ZNF214: variants seen among roughly 807,000 people sequenced by gnomAD.
ZNF214 encodes BWSCR2-associated zinc finger protein 1.
ZNF214 carries 43 observed loss-of-function variants against 53.9 expected under a neutral mutation model. The observed-to-expected ratio is 0.80, with a 90% CI of 0.63 to 1.03. The LOEUF is 1.03. ZNF214 is among the 50% of genes least tolerant of loss of function. The pLI, the probability that ZNF214 is intolerant of heterozygous loss-of-function variation, is 0.00. For synonymous variants in ZNF214, 217 were observed against 229.5 expected (o/e 0.95, Z 0.49); for missense variants, 724 against 719.1 (o/e 1.01, Z -0.08).
In ZNF214 at chr11:6,999,874, T is replaced by C. The variant is rs1221708271; in HGVS notation, c.1809A>G (p.Arg603=). 4 of 1,603,364 alleles carry C rather than the reference T, an allele frequency of 2.5e-6. No individual in the cohort carries two copies. The highest frequency in any genetic ancestry group is 8.5e-7 in the Non-Finnish European group (1 of 1,174,524). Residue 603 remains arginine, a synonymous_variant, in exon 3 of 3, where the codon AGA becomes AGG. Coordinates refer to ENST00000278314, the MANE Select transcript of ZNF214 (RefSeq NM_013249.4). ...HNSHLHNNHR[R]GNL ...AAATGAACAATATTTATAAGTTTCC[T>C]CTTCTATGATTATTGTGAAGATGTG...
chr11:7,000,923 C>T lies in ZNF214; in HGVS notation c.760G>A (p.Ala254Thr). The change falls in exon 3 of 3, where the codon GCA becomes ACA. Residue 254 changes from alanine (A) to threonine (T), a missense_variant. Coordinates refer to ENST00000278314, the MANE Select transcript of ZNF214 (RefSeq NM_013249.4). Reference protein sequence around the residue: ...ENLCQCSICKACFSQRSDLYR... With the variant: ...ENLCQCSICKTCFSQRSDLYR... ...AAGTCTGATCTCTGAGAGAAGCATG[C>T]TTTACAGATGGAGCATTGACAGAGG... The T allele has an allele frequency of 6.2e-7, 1 of 1,613,220 alleles. No homozygotes were observed. The highest frequency in any genetic ancestry group is 8.5e-7 in the Non-Finnish European group (1 of 1,179,596).
rs775713624 is a variant in ZNF214 at position 7,001,453 on chromosome 11, A to G, written c.230T>C (p.Met77Thr). The change falls in exon 3 of 3, where the codon ATG (methionine) becomes ACG (threonine). Residue 77 changes from methionine (M) to threonine (T), a missense_variant. Coordinates refer to ENST00000278314, the MANE Select transcript of ZNF214 (RefSeq NM_013249.4). ...TTCCCCATAGTTCTGATTCTCATAC[A>G]TCTGGGCGCCAGCATTCCACCAGCC... The part of the protein sequence containing the change: ...WQGWWNAGAQ[M>T]YENQNYGETV... 15 of 1,613,040 alleles carry G rather than the reference A, an allele frequency of 9.3e-6. No individual in the cohort carries two copies. The Admixed American group carries it at 1.2e-4, about 13-fold the overall frequency.
Position 6,998,616 on chromosome 11 carries a change from C to A in ZNF214, c.*1246G>T, listed in dbSNP as rs2073338944. ...TCCCTGAAGTCCTTCTTTGTTGTAT[C>A]TATTTCTCTTTTCACTTTAGATACT... On this transcript the variant is annotated 3_prime_UTR_variant, in exon 3 of 3. Transcript: ENST00000278314. Among the ~76,000 whole-genome samples the A allele has an allele frequency of 6.6e-6, 1 of 151,860 alleles. No homozygotes were observed. The highest frequency in any genetic ancestry group is 1.5e-5 in the Non-Finnish European group (1 of 67,922).
At chr11:7,002,681 T>C in intron 2 of ZNF214, 28 bp downstream of exon 2, 1 of 1,556,682 alleles carries the variant, frequency 6.4e-7, no homozygotes, top group Non-Finnish European at 8.6e-7. Flanking sequence ...GAAGAAACTC[T>C]ATTCCCTATG....
intron 1 of ZNF214, among the ~76,000 whole-genome samples, chr11:7,017,195 G>C (rs1851789490): frequency 6.6e-6 from 1 of 152,098 alleles, no homozygotes; most frequent in Admixed American, 6.6e-5. Flanking sequence ...TGCAAATCAA[G>C]GCAAAATTTA....
intron 1 of ZNF214, among the ~76,000 whole-genome samples, chr11:7,017,995 T>A (rs1278752496): frequency 6.6e-6 from 1 of 152,224 alleles, no homozygotes; most frequent in Non-Finnish European, 1.5e-5. Flanking sequence ...TCAAATTTTT[T>A]AATTTAATGT....
chr11:7,000,279 T>G lies in ZNF214; in HGVS notation c.1404A>C (p.Lys468Asn), dbSNP rs1291487556. 6.2e-7 allele frequency: 1 copy of G among 1,612,538 alleles called. No individual in the cohort carries two copies. Among genetic ancestry groups the G allele is most frequent in the Non-Finnish European group, 8.5e-7 (1 of 1,179,396 alleles). ...TCCCACATTCAGGACAAGTATAGGG[T>G]TTCTCCCCTGTATGGACTCTCTGAT... is the stretch of plus-strand genomic sequence containing the variant. ...RIHQRVHTGE[K>N]PYTCPECGKG... Residue 468 changes from lysine (K) to asparagine (N), a missense_variant, in exon 3 of 3, where the codon AAA becomes AAC. Physicochemically the swap from Lys to Asn is moderately conservative, Grantham distance 94. Coordinates refer to ENST00000278314, the MANE Select transcript of ZNF214 (RefSeq NM_013249.4).
chr11:7,019,959 G>A (rs1372384489), intron 1 of ZNF214, 114 bp downstream of exon 1: 3 of 152,212 alleles, frequency 2.0e-5, no homozygotes, highest in Non-Finnish European at 4.4e-5. Flanking sequence ...CTGCACTGAA[G>A]ACGCGCGCGG....
At position 7,003,502 on chromosome 11, in the gene ZNF214, T is replaced by G. The variant is rs147017637; in HGVS notation, c.-20-647A>C. On this transcript the variant is annotated intron_variant, in intron 1 of 2. Coordinates refer to ENST00000278314, the MANE Select transcript of ZNF214 (RefSeq NM_013249.4). ...GTTATCTCATTTACTCTCAGAACAA[T>G]CCAATAAGGTATTATTATTCACAAT... Among the ~76,000 whole-genome samples, 516 of 152,058 alleles carry G rather than the reference T, an allele frequency of 3.4e-3. 3 individuals are homozygous for G. The highest frequency in any genetic ancestry group is 6.8e-3 in the Middle Eastern group (2 of 294).
At chr11:7,016,004 T>C (rs965735073) in intron 1 of ZNF214, 1 of 151,922 alleles carries the variant, frequency 6.6e-6, no homozygotes. Flanking sequence ...CAATCAATGA[T>C]GTTGGGACAA....
intron 1 of ZNF214, among the ~76,000 whole-genome samples, chr11:7,004,323 C>G (rs1851425712): frequency 6.6e-6 from 1 of 152,056 alleles, no homozygotes. Context: ...ATTCATACTT[C>G]ACTGATTTTT....
chr11:7,019,733 C>CA (rs1851867029), intron 1 of ZNF214: 1 of 152,204 alleles, frequency 6.6e-6, no homozygotes, highest in Non-Finnish European at 1.5e-5. Flanking sequence ...CCTTGCTGAT[C>CA]AAAGGTAGGT....
intron 2 of ZNF214, among the ~76,000 whole-genome samples, chr11:7,002,260 A>G (rs1458611832): frequency 6.6e-6 from 1 of 151,994 alleles, no homozygotes; most frequent in Non-Finnish European, 1.5e-5. Context: ...GAGTCAGGCC[A>G]GGCAGCTTAA....
chr11:7,002,298 C>G (rs983975992), intron 2 of ZNF214, among the ~76,000 whole-genome samples: 22 of 151,860 alleles, frequency 1.4e-4, no homozygotes, highest in Non-Finnish European at 1.9e-4. Flanking sequence ...ACAACCAAAT[C>G]CTCCATGATA....
intron 2 of ZNF214, among the ~76,000 whole-genome samples, chr11:7,002,456 C>T (rs193153470): frequency 6.6e-6 from 1 of 152,046 alleles, no homozygotes; most frequent in East Asian, 1.9e-4. Context: ...AAATTGACTA[C>T]ATATGGAGAT....
chr11:7,011,391 C>T (rs2133406759), intron 1 of ZNF214, among the ~76,000 whole-genome samples: 1 of 152,104 alleles, frequency 6.6e-6, no homozygotes, highest in East Asian at 1.9e-4. Context: ...TAACACAATT[C>T]ACTATATTAA....
Position 7,000,408 on chromosome 11 carries a change from C to CT in ZNF214, c.1274dup (p.Arg426AlafsTer18). On this transcript the variant is annotated frameshift_variant, in exon 3 of 3. Transcript: ENST00000278314. LOFTEE classifies it high-confidence loss of function. ...TCTGATGAATTTGAAGATTTGAGCG[C>CT]TGGGTAAAGCCTTTACCACAGTCTT... 6.2e-7 allele frequency: 1 copy of CT among 1,613,356 alleles called. No individual in the cohort carries two copies. The highest frequency in any genetic ancestry group is 8.5e-7 in the Non-Finnish European group (1 of 1,179,596).
chr11:7,000,874 A>C lies in ZNF214; in HGVS notation c.809T>G (p.Ile270Arg). 6.2e-7 allele frequency: 1 copy of C among 1,613,082 alleles called. No homozygotes were observed. ...SDLYRHPRNH[I>R]GKKLYGCDEV... ...ATCACATCCGTACAGCTTCTTACCT[A>C]TGTGGTTTCTTGGATGTCTATACAA... Residue 270 changes from isoleucine to arginine, a missense_variant, in exon 3 of 3, where the codon ATA becomes AGA. Physicochemically the swap from Ile to Arg is moderately conservative, Grantham distance 97. Transcript: ENST00000278314.
rs1326025118 is a variant in ZNF214, at chr11:6,997,872, GACTCAGCATTTGTACACTTTAC to G, written c.*1968_*1989del. ...CCTGACAACCTTACTCTCCTACCCA[GACTCAGCATTTGTACACTTTAC>G]ACTCAGCATTTGTATATTTTTATTG... On this transcript the variant is annotated 3_prime_UTR_variant, in exon 3 of 3. Coordinates refer to ENST00000278314, the MANE Select transcript of ZNF214 (RefSeq NM_013249.4). Among the ~76,000 whole-genome samples, 1 of 151,794 alleles carries G rather than the reference GACTCAGCATTTGTACACTTTAC, an allele frequency of 6.6e-6. No individual in the cohort carries two copies. The highest frequency in any genetic ancestry group is 1.5e-5 in the Non-Finnish European group (1 of 67,864).
Sources: allele counts gnomAD v4.1 joint callset (sites outside exome capture counted in the v4.1 genomes callset), GRCh38; gene constraint gnomAD v4.1.1; transcripts MANE v1.5; gene names NCBI Gene and HGNC (gene_info 2026-07-23, HGNC 2026-07-21).